The following RGS5 variants were observed in gnomAD, a reference collection of about 807,000 sequenced individuals.
RGS5 encodes the protein regulator of G-protein signalling 5.
Under a neutral mutation model 18.9 loss-of-function variants are expected in RGS5, and 20 were observed. That is an observed-to-expected ratio of 1.06 (90% CI 0.74 to 1.54). The LOEUF (loss-of-function observed/expected upper bound fraction) is 1.54, where lower values mean the gene tolerates loss of function less well. Ranked by LOEUF, RGS5 falls within the 40% of genes most tolerant of loss-of-function variation. The probability of loss-of-function intolerance (pLI) is 0.00; values close to 1 mark genes in which losing one functional copy is unlikely to be tolerated. For missense variants in RGS5, 201 were observed against 211.8 expected, an observed-to-expected ratio of 0.95 and a Z score of 0.32; for synonymous variants, 57 against 76.2, an observed-to-expected ratio of 0.75 and a Z score of 1.31.
chr1:163,262,868 T>G (rs1453981880), intron 2 of RGS5, among the ~76,000 whole-genome samples: 1 of 152,192 alleles, frequency 6.6e-6, no homozygotes, highest in Non-Finnish European at 1.5e-5. Context: ...GTTATTCACA[T>G]CAAAGTTCTT....
chr1:163,280,654 A>G (rs764167014), intron 2 of RGS5, among the ~76,000 whole-genome samples: 12 of 152,152 alleles, frequency 7.9e-5, no homozygotes, highest in Non-Finnish European at 1.5e-4. Context: ...ATCATGGACT[A>G]GATGAATCAA....
intron 1 of RGS5, among the ~76,000 whole-genome samples, chr1:163,186,735 C>A (rs1015719687): frequency 6.6e-6 from 1 of 152,110 alleles, no homozygotes; most frequent in African/African-American, 2.4e-5. Flanking sequence ...AAACTCACAA[C>A]TATGTGACCT....
At chr1:163,291,772 C>T (rs1649294529) in intron 2 of RGS5, among the ~76,000 whole-genome samples, 2 of 152,114 alleles carry the variant, frequency 1.3e-5, no homozygotes, top group Admixed American at 6.5e-5. Context: ...GCCACTTGCT[C>T]ACCAAGCTGT....
intron 2 of RGS5, among the ~76,000 whole-genome samples, chr1:163,224,615 C>A (rs1043498258): frequency 1.1e-4 from 16 of 152,166 alleles, no homozygotes; most frequent in African/African-American, 3.9e-4. Flanking sequence ...AAAGGAACCT[C>A]CATACTGTTG....
intron 2 of RGS5, among the ~76,000 whole-genome samples, chr1:163,264,221 A>C (rs545018104): frequency 6.6e-6 from 1 of 152,196 alleles, no homozygotes; most frequent in Non-Finnish European, 1.5e-5. Context: ...CTCAGCTAAG[A>C]TAGTATGTTA....
intron 1 of RGS5, among the ~76,000 whole-genome samples, chr1:163,320,259 T>C (rs1650153179): frequency 6.6e-6 from 1 of 152,180 alleles, no homozygotes; most frequent in South Asian, 2.1e-4. Context: ...GGACCATGTA[T>C]AAATAATAAT....
At chr1:163,156,799 C>T (rs1375914542) in intron 3 of RGS5, among the ~76,000 whole-genome samples, 2 of 152,196 alleles carry the variant, frequency 1.3e-5, no homozygotes, top group African/African-American at 4.8e-5. Context: ...ATCTCAATTT[C>T]ATTTTCTGAA....
At chr1:163,165,545 A>G (rs1196051149) in intron 2 of RGS5, among the ~76,000 whole-genome samples, 3 of 152,332 alleles carry the variant, frequency 2.0e-5, no homozygotes, top group Non-Finnish European at 4.4e-5. Context: ...CAACAGTGGG[A>G]GCACTTAGAG....
At chr1:163,307,953 C>T (rs1649749563) in intron 1 of RGS5, among the ~76,000 whole-genome samples, 1 of 152,166 alleles carries the variant, frequency 6.6e-6, no homozygotes, top group African/African-American at 2.4e-5. Flanking sequence ...TAGAAACTTA[C>T]ATCTGTATCA....
chr1:163,174,288 G>C (rs546787304), intron 1 of RGS5, among the ~76,000 whole-genome samples: 1 of 152,294 alleles, frequency 6.6e-6, no homozygotes, highest in Non-Finnish European at 1.5e-5. Context: ...TCCCATTAAA[G>C]TGTCAGGTCC....
intron 1 of RGS5, among the ~76,000 whole-genome samples, chr1:163,186,601 A>T (rs903743630): frequency 3.3e-5 from 5 of 149,918 alleles, no homozygotes; most frequent in African/African-American, 1.2e-4. Context: ...AAAAAAAGAA[A>T]AAGAAAAGAA....
chr1:163,256,683 G>C (rs939486859), intron 2 of RGS5, among the ~76,000 whole-genome samples: 1 of 152,036 alleles, frequency 6.6e-6, no homozygotes, highest in Non-Finnish European at 1.5e-5. Flanking sequence ...CTAAGACTAG[G>C]GAACAAGGAA....
At chr1:163,247,957 T>C (rs937131299) in intron 2 of RGS5, among the ~76,000 whole-genome samples, 1 of 152,202 alleles carries the variant, frequency 6.6e-6, no homozygotes, top group African/African-American at 2.4e-5. Flanking sequence ...ACTTTGAGCA[T>C]ATAATCAATC....
rs559654051 is a variant in RGS5, at chr1:163,178,024, T to C, written c.45-9656A>G. On this transcript the variant is annotated intron_variant, in intron 1 of 4. Transcript: ENST00000313961. The stretch of plus-strand genomic sequence containing the variant: ...GTGGCAAAGAAAGAAACAGAAAGCC[T>C]GAGCATGGTGGCTCATGCCTGTGAT... Among the ~76,000 whole-genome samples, 13 of 152,298 alleles carry C rather than the reference T, an allele frequency of 8.5e-5. No individual in the cohort carries two copies. The South Asian group carries it at 2.7e-3, about 32-fold the overall frequency.
chr1:163,213,727 A>C lies in RGS5; in HGVS notation c.69+3799T>G, dbSNP rs1415479296. Among the ~76,000 whole-genome samples the C allele has an allele frequency of 2.6e-5, 4 of 152,164 alleles. No homozygotes were observed. The South Asian group carries it at 6.2e-4, about 24-fold the overall frequency. ...TTTCCTCCTACGCTCCAAGAACTTC[A>C]ACTGCAGGATCACAATCTTCCATTC... On this transcript the variant is annotated intron_variant, in intron 1 of 5. Coordinates refer to the RGS5 transcript ENST00000367903.
chr1:163,280,840 G>C (rs1648973553), intron 2 of RGS5, among the ~76,000 whole-genome samples: 1 of 152,140 alleles, frequency 6.6e-6, no homozygotes, highest in African/African-American at 2.4e-5. Context: ...GAACAAAACT[G>C]GAAGGATCAC....
At position 163,142,635 on chromosome 1, in the gene RGS5, C is replaced by T. The variant is rs1023902914; in HGVS notation, c.*4707G>A. 6.6e-6 allele frequency: 1 copy of T among 152,112 alleles called. No individual in the cohort carries two copies. The highest frequency in any genetic ancestry group is 2.4e-5 in the African/African-American group (1 of 41,426). The allele number at this position is 152,112 out of a possible 1,614,324, so 9.4% of individuals were successfully genotyped here. A position where few individuals can be genotyped will look rare whatever the true frequency, so the allele number is the denominator to read the frequency against. On this transcript the variant is annotated 3_prime_UTR_variant, in exon 5 of 5. Transcript: ENST00000313961. The stretch of plus-strand genomic sequence containing the variant: ...AAATATTTATTCAGATTGCTTGTCT[C>T]CAGTGGCAAATTTCTCAGCATTTCT...
At chr1:163,288,473 CT>C (rs1409807530) in intron 2 of RGS5, among the ~76,000 whole-genome samples, 1 of 152,146 alleles carries the variant, frequency 6.6e-6, no homozygotes, top group Non-Finnish European at 1.5e-5. Context: ...TTTTCAAAAT[CT>C]TTTTGGACCT....
chr1:163,286,519 T>C (rs545243205), intron 2 of RGS5, among the ~76,000 whole-genome samples: 62 of 152,270 alleles, frequency 4.1e-4, no homozygotes, highest in African/African-American at 1.5e-3. Flanking sequence ...ATATTTGATG[T>C]CATTCGTCTA....
Sources: gnomAD v4.1 joint callset for allele counts (sites outside exome capture counted in the v4.1 genomes callset) on GRCh38, gnomAD v4.1.1 for gene constraint, MANE v1.5 for transcripts, NCBI Gene and HGNC (gene_info 2026-07-23, HGNC 2026-07-21) for gene names.